The following FAM200A variants were observed in gnomAD, a reference collection of about 807,000 sequenced individuals.
The protein encoded by FAM200A is protein FAM200A.
Under a neutral mutation model 44.2 loss-of-function variants are expected in FAM200A, and 26 were observed. That is an observed-to-expected ratio of 0.59 (90% CI 0.43 to 0.82). FAM200A has a LOEUF of 0.82. Among genes scored for constraint, FAM200A ranks in the 40% least tolerant of loss-of-function variants. The probability of loss-of-function intolerance (pLI) is 0.00; values close to 1 mark genes in which losing one functional copy is unlikely to be tolerated. For synonymous variants in FAM200A, 206 were observed against 244.4 expected (o/e 0.84, Z 1.47); for missense variants, 606 against 669.5 (o/e 0.91, Z 1.05).
chr7:99,553,050 CATATATATATAT>C (rs1293096944), upstream of FAM200A, among the ~76,000 whole-genome samples: 2 of 115,720 alleles, frequency 1.7e-5, no homozygotes, highest in Non-Finnish European at 3.3e-5. Context: ...TATACACACA[CATATATATATAT>C]ACACACACAT....
At position 99,548,391 on chromosome 7, in the gene FAM200A, C is replaced by T. The variant is rs759556689; in HGVS notation, c.17G>A (p.Arg6Lys). Reference sequence around the variant, plus strand: ...CCCTGGAGACAAATCTGTAGTATCCCTTGATTCAGGAGTCATTATTCAGGT... The same window carrying T: ...CCCTGGAGACAAATCTGTAGTATCCTTTGATTCAGGAGTCATTATTCAGGT... MTPESRDTTDLSPGGT... is the reference protein window; with the variant it reads MTPESKDTTDLSPGGT... Residue 6 changes from arginine (R) to lysine (K), a missense_variant, in exon 2 of 2, where the codon AGG (arginine) becomes AAG (lysine). Transcript: ENST00000449309. The T allele has an allele frequency of 2.5e-6, 4 of 1,613,436 alleles. No homozygotes were observed. The South Asian group carries it at 3.3e-5, about 13-fold the overall frequency.
In FAM200A at chr7:99,546,707, T is replaced by A; in HGVS notation, c.1701A>T (p.Arg567Ser). The A allele has an allele frequency of 6.5e-7, 1 of 1,532,798 alleles. No homozygotes were observed. Among genetic ancestry groups the A allele is most frequent in the South Asian group, 1.2e-5 (1 of 80,552 alleles). The allele number at this position is 1,532,798 out of a possible 1,614,324, so 94.9% of individuals were successfully genotyped here. ...GTATTTAATGTGATGGGTGTGCTTG[T>A]CTGTTCATAAGTTCCTTCCAGTCAG... ...CVPDWKELMN[R>S]QAHPSH The change falls in exon 2 of 2, where the codon AGA becomes AGT. Residue 567 changes from arginine to serine, a missense_variant. Physicochemically the swap from Arg to Ser is moderately radical, Grantham distance 110. Coordinates refer to ENST00000449309, the MANE Select transcript of FAM200A (RefSeq NM_145111.4).
At chr7:99,554,813 C>T (rs1399047003), upstream of FAM200A, among the ~76,000 whole-genome samples, 1 of 152,174 alleles carries the variant, frequency 6.6e-6, no homozygotes, top group Non-Finnish European at 1.5e-5. Flanking sequence ...CTGAACTGAC[C>T]CAATCCCCAA....
chr7:99,549,604 G>C lies in FAM200A; in HGVS notation c.-99-1098C>G, dbSNP rs1466998861. Reference sequence around the variant, plus strand: ...GCTATAAAGACACATGCACATGTATGTTTATTGCGGCACTATTCACAATAG... The same window carrying C: ...GCTATAAAGACACATGCACATGTATCTTTATTGCGGCACTATTCACAATAG... On this transcript the variant is annotated intron_variant, in intron 1 of 1. Transcript: ENST00000449309. 2.0e-5 allele frequency among the ~76,000 whole-genome samples: 3 copies of C among 152,192 alleles called. No individual in the cohort carries two copies. In the South Asian group the frequency reaches 6.2e-4, roughly 31 times the overall value.
At chr7:99,553,318 C>T (rs1377541796), upstream of FAM200A, among the ~76,000 whole-genome samples, 1 of 151,772 alleles carries the variant, frequency 6.6e-6, no homozygotes, top group Non-Finnish European at 1.5e-5. Flanking sequence ...TAAAGTCTCT[C>T]CTCCCCACCC....
rs913011524 is a variant in FAM200A, at chr7:99,546,539, T to C, written c.*147A>G. ...ATGTGCCACCACGCCTGGCTAAGGT[T>C]TCTATTTTTAGTAGAGATGGGGTTT... On this transcript the variant is annotated 3_prime_UTR_variant, in exon 2 of 2. Transcript: ENST00000449309. 1.7e-5 allele frequency: 14 copies of C among 834,992 alleles called. No individual in the cohort carries two copies. The African/African-American group carries it at 1.8e-4, about 11-fold the overall frequency. The allele number at this position is 834,992 out of a possible 1,614,324, so 51.7% of individuals were successfully genotyped here.
chr7:99,548,510 C>T lies in FAM200A; in HGVS notation c.-99-4G>A. On this transcript the variant is annotated splice_polypyrimidine_tract_variant and splice_region_variant and intron_variant, in intron 1 of 1. Coordinates refer to ENST00000449309, the MANE Select transcript of FAM200A (RefSeq NM_145111.4). ...TATGAGATCAGGTTTTGCTATCCTG[C>T]AGGGTAGAAAAACGTAACAGCAGTA... 6.7e-7 allele frequency: 1 copy of T among 1,500,824 alleles called. No homozygotes were observed. Among genetic ancestry groups the T allele is most frequent in the Non-Finnish European group, 8.9e-7 (1 of 1,127,472 alleles). The allele number at this position is 1,500,824 out of a possible 1,614,324, so 93.0% of individuals were successfully genotyped here.
Position 99,552,024 on chromosome 7 carries a change from G to A in FAM200A, c.-270C>T, listed in dbSNP as rs1031782250. ...GTCCCCGCCCGGAGAAGTCTGGGAT[G>A]CTGGGATAGAAGGGGTTGTGACTTT... On this transcript the variant is annotated 5_prime_UTR_variant, in exon 1 of 2. Coordinates refer to ENST00000449309, the MANE Select transcript of FAM200A (RefSeq NM_145111.4). 5.1e-6 allele frequency: 5 copies of A among 985,512 alleles called. No homozygotes were observed. The highest frequency in any genetic ancestry group is 6.0e-6 in the Non-Finnish European group (5 of 830,054). 61.0% of individuals were successfully genotyped at this position (985,512 alleles called of 1,614,324 possible).
chr7:99,549,538 C>T (rs1457220994), intron 1 of FAM200A, among the ~76,000 whole-genome samples: 1 of 152,206 alleles, frequency 6.6e-6, no homozygotes, highest in Non-Finnish European at 1.5e-5. Flanking sequence ...ACCCAGCCAT[C>T]CCATTACTGG....
At chr7:99,551,216 G>A (rs912937603) in intron 1 of FAM200A, among the ~76,000 whole-genome samples, 1 of 151,886 alleles carries the variant, frequency 6.6e-6, no homozygotes, top group African/African-American at 2.4e-5. Flanking sequence ...TTTTGAGACA[G>A]AGTCTCACTC....
chr7:99,546,472 G>C lies in FAM200A; in HGVS notation c.*214C>G. 1 of 415,398 alleles carries C rather than the reference G, an allele frequency of 2.4e-6. No homozygotes were observed. The highest frequency in any genetic ancestry group is 4.1e-6 in the Non-Finnish European group (1 of 241,176). 25.7% of individuals were successfully genotyped at this position (415,398 alleles called of 1,614,324 possible). ...CAATCTCTGCCTTCCTGGTTTAAGA[G>C]ATTCTCCTGCCTCAGGCACCCAAGT... is the stretch of plus-strand genomic sequence containing the variant. On this transcript the variant is annotated 3_prime_UTR_variant, in exon 2 of 2. Transcript: ENST00000449309.
In FAM200A at chr7:99,546,596, A is replaced by G; in HGVS notation, c.*90T>C. 3.7e-6 allele frequency: 5 copies of G among 1,359,340 alleles called. No individual in the cohort carries two copies. Among genetic ancestry groups the G allele is most frequent in the Non-Finnish European group, 4.8e-6 (5 of 1,047,184 alleles). 84.2% of individuals were successfully genotyped at this position (1,359,340 alleles called of 1,614,324 possible). A position where few individuals can be genotyped will look rare whatever the true frequency, so the allele number is the denominator to read the frequency against. The stretch of plus-strand genomic sequence containing the variant: ...GTTGGCCAGGCTGGTCTTGAACTCA[A>G]GTGATCTGCCCACCTCGGTCTCCCA... On this transcript the variant is annotated 3_prime_UTR_variant, in exon 2 of 2. Coordinates refer to ENST00000449309, the MANE Select transcript of FAM200A (RefSeq NM_145111.4).
upstream of FAM200A, among the ~76,000 whole-genome samples, chr7:99,552,544 G>C (rs544168594): frequency 6.6e-6 from 1 of 152,086 alleles, no homozygotes; most frequent in African/African-American, 2.4e-5. Context: ...GGCAACAGAC[G>C]TTCTTTCCAA....
intron 1 of FAM200A, among the ~76,000 whole-genome samples, chr7:99,550,646 T>C (rs545335813): frequency 6.6e-6 from 1 of 152,094 alleles, no homozygotes; most frequent in South Asian, 2.1e-4. Flanking sequence ...TCCAAGAACA[T>C]CAATGGCAGA....
chr7:99,553,068 CACATATATAT>C (rs1490020688), upstream of FAM200A, among the ~76,000 whole-genome samples: 98 of 89,360 alleles, frequency 1.1e-3, 2 homozygotes, highest in African/African-American at 3.6e-3. Context: ...TATATACACA[CACATATATAT>C]ATATATATAT....
At chr7:99,557,689 AG>A (rs1802739650) in intron 1 of FAM200A, among the ~76,000 whole-genome samples, 1 of 152,238 alleles carries the variant, frequency 6.6e-6, no homozygotes, top group Admixed American at 6.5e-5. Context: ...AAGAGAGGAA[AG>A]GAATATCAGA....
chr7:99,552,046 CT>C lies in FAM200A; in HGVS notation c.-293del, dbSNP rs1802547979. ...GATGCTGGGATAGAAGGGGTTGTGA[CT>C]TTGGGGACCAGGAGCACTAGACTCA... On this transcript the variant is annotated 5_prime_UTR_variant, in exon 1 of 2. Transcript: ENST00000449309. 1 of 985,502 alleles carries C rather than the reference CT, an allele frequency of 1.0e-6. No homozygotes were observed. Among genetic ancestry groups the C allele is most frequent in the South Asian group, 4.7e-5 (1 of 21,302 alleles). 61.0% of individuals were successfully genotyped at this position (985,502 alleles called of 1,614,324 possible).
At chr7:99,553,483 G>A (rs569919618), upstream of FAM200A, among the ~76,000 whole-genome samples, 1 of 152,164 alleles carries the variant, frequency 6.6e-6, no homozygotes, top group African/African-American at 2.4e-5. Flanking sequence ...GGACCTACTG[G>A]CACAAGAAAC....
Position 99,546,627 on chromosome 7 carries a change from G to A in FAM200A, c.*59C>T, listed in dbSNP as rs1341538067. On this transcript the variant is annotated 3_prime_UTR_variant, in exon 2 of 2. Transcript: ENST00000449309. ...CTGCCCACCTCGGTCTCCCACTGCTGGGATTACAGGCGTAAGCCACCACAC... is the reference window on the plus strand; with the variant it reads ...CTGCCCACCTCGGTCTCCCACTGCTAGGATTACAGGCGTAAGCCACCACAC... 6 of 1,437,138 alleles carry A rather than the reference G, an allele frequency of 4.2e-6. No homozygotes were observed. Among genetic ancestry groups the A allele is most frequent in the Non-Finnish European group, 4.6e-6 (5 of 1,098,118 alleles). 89.0% of individuals were successfully genotyped at this position (1,437,138 alleles called of 1,614,324 possible). A position where few individuals can be genotyped will look rare whatever the true frequency, so the allele number is the denominator to read the frequency against.
Sources: allele counts gnomAD v4.1 joint callset (sites outside exome capture counted in the v4.1 genomes callset), GRCh38; gene constraint gnomAD v4.1.1; transcripts MANE v1.5; gene names NCBI Gene and HGNC (gene_info 2026-07-23, HGNC 2026-07-21).